The following GABBR1 variants were observed in gnomAD, a reference collection of about 807,000 sequenced individuals.
GABBR1 encodes gamma-aminobutyric acid type B receptor subunit 1.
Under a neutral mutation model 117.7 loss-of-function variants are expected in GABBR1, and 35 were observed. That is an observed-to-expected ratio of 0.30 (90% confidence interval 0.23 to 0.39). The LOEUF (loss-of-function observed/expected upper bound fraction) is 0.39. GABBR1 is among the 10% of genes least tolerant of loss of function. The probability of loss-of-function intolerance (pLI) is 1.00; values close to 1 mark genes in which losing one functional copy is unlikely to be tolerated. For missense variants in GABBR1, 709 were observed against 1,241.8 expected (o/e 0.57, Z 6.45); for synonymous variants, 442 against 486.6 (o/e 0.91, Z 1.21).
Position 29,622,257 on chromosome 6 carries a change from T to G in GABBR1, c.964-52A>C. On this transcript the variant is annotated intron_variant, in intron 8 of 22. Transcript: ENST00000377034. This position sits in a 1 kb window ranked among gnomAD's most constrained non-coding sequence, Gnocchi z 4.6. ...GAAAAACACGGGGTGCATGAGGGAA[T>G]AAAGACCAGAGAGGTTAACTGGGGA... 1.3e-5 allele frequency: 15 copies of G among 1,193,960 alleles called. No homozygotes were observed. Among genetic ancestry groups the G allele is most frequent in the Non-Finnish European group, 1.6e-5 (13 of 801,928 alleles). The allele number at this position is 1,193,960 out of a possible 1,614,324, so 74.0% of individuals were successfully genotyped here.
Position 29,631,335 on chromosome 6 carries a change from TAA to T in GABBR1, c.289+59_289+60del. The T allele has an allele frequency of 6.6e-7, 1 of 1,518,760 alleles. No individual in the cohort carries two copies. The highest frequency in any genetic ancestry group is 9.1e-7 in the Non-Finnish European group (1 of 1,097,482). The allele number at this position is 1,518,760 out of a possible 1,614,324, so 94.1% of individuals were successfully genotyped here. ...AGTGCTGACTTGCAAGCAGTAATGC[TAA>T]GTTTGCGGCAGGAAAAGGAATAGTC... On this transcript the variant is annotated intron_variant, in intron 3 of 22. Coordinates refer to ENST00000377034, the MANE Select transcript of GABBR1 (RefSeq NM_001470.4). This position sits in a 1 kb window ranked among gnomAD's most constrained non-coding sequence, Gnocchi z 5.9.
intron 4 of GABBR1, chr6:29,629,324 C>T: frequency 1.5e-6 from 1 of 687,474 alleles, no homozygotes. Context: ...CATAGGACAA[C>T]AGAATTTGAG....
At position 29,621,307 on chromosome 6, in the gene GABBR1, G is replaced by C. The variant is rs1433574370; in HGVS notation, c.1132-15C>G. ...TCCTTGTACACCTGAATACAGAGGA[G>C]AATGGCTGAGTTTTTGTTTGCTCAT... On this transcript the variant is annotated splice_polypyrimidine_tract_variant and intron_variant, in intron 10 of 22. Coordinates refer to ENST00000377034, the MANE Select transcript of GABBR1 (RefSeq NM_001470.4). The surrounding 1 kb of genome is among the most constrained non-coding windows in gnomAD (Gnocchi z 5.0). 2.4e-5 allele frequency: 38 copies of C among 1,602,636 alleles called. No individual in the cohort carries two copies. Among genetic ancestry groups the C allele is most frequent in the Admixed American group, 3.4e-5 (2 of 58,764 alleles).
At position 29,605,964 on chromosome 6, in the gene GABBR1, T is replaced by C; in HGVS notation, c.2312-268A>G. ...CAGTCAGGCAAGGGCTTGTTGAATA[T>C]CTAGAAATAGGCCAGTCTGGGCCAC... On this transcript the variant is annotated intron_variant, in intron 19 of 22. Transcript: ENST00000377034. The surrounding 1 kb of genome is among the most constrained non-coding windows in gnomAD (Gnocchi z 4.2). The C allele has an allele frequency of 1.1e-5, 6 of 563,942 alleles. No homozygotes were observed. Among genetic ancestry groups the C allele is most frequent in the South Asian group, 8.7e-5 (4 of 45,730 alleles). 34.9% of individuals were successfully genotyped at this position (563,942 alleles called of 1,614,324 possible).
Position 29,627,341 on chromosome 6 carries a change from C to A in GABBR1, c.657+145G>T. 1 of 813,510 alleles carries A rather than the reference C, an allele frequency of 1.2e-6. No homozygotes were observed. Among genetic ancestry groups the A allele is most frequent in the South Asian group, 1.7e-5 (1 of 57,966 alleles). The allele number at this position is 813,510 out of a possible 1,614,324, so 50.4% of individuals were successfully genotyped here. A position where few individuals can be genotyped will look rare whatever the true frequency, so the allele number is the denominator to read the frequency against. On this transcript the variant is annotated intron_variant, in intron 6 of 22. Coordinates refer to ENST00000377034, the MANE Select transcript of GABBR1 (RefSeq NM_001470.4). The surrounding 1 kb of genome is among the most constrained non-coding windows in gnomAD (Gnocchi z 4.4). ...GCGACTCTCCCCAAGCTCCTGCACC[C>A]CCAGCCCATCTCCTGCCAGTCACAC... is the stretch of plus-strand genomic sequence containing the variant.
intron 11 of GABBR1, among the ~76,000 whole-genome samples, chr6:29,614,885 C>A (rs184670302): frequency 7.0e-6 from 1 of 143,082 alleles, no homozygotes; most frequent in Non-Finnish European, 1.5e-5. Context: ...ACCACTCTGG[C>A]GGAGGATGTC....
chr6:29,626,238 GTC>G (rs921374046), intron 6 of GABBR1, among the ~76,000 whole-genome samples: 2 of 152,024 alleles, frequency 1.3e-5, no homozygotes, highest in Non-Finnish European at 2.9e-5. Context: ...CCTCACTTCT[GTC>G]CCCTCACACA....
intron 11 of GABBR1, among the ~76,000 whole-genome samples, chr6:29,617,848 G>A (rs1763320996): frequency 6.6e-6 from 1 of 152,148 alleles, no homozygotes; most frequent in Non-Finnish European, 1.5e-5. Flanking sequence ...AACGATGATG[G>A]TGGCTAACAT....
intron 6 of GABBR1, 35 bp from the exon 7 acceptor site, chr6:29,624,059 TG>T: frequency 1.3e-6 from 2 of 1,566,686 alleles, no homozygotes; most frequent in Non-Finnish European, 8.7e-7. Context: ...CAAGCTCTCC[TG>T]GGGCCCCTCC....
Position 29,621,066 on chromosome 6 carries a change from C to G in GABBR1, c.1323+35G>C, listed in dbSNP as rs748393164. On this transcript the variant is annotated intron_variant, in intron 11 of 22. Transcript: ENST00000377034. This position sits in a 1 kb window ranked among gnomAD's most constrained non-coding sequence, Gnocchi z 5.0. ...AGGCCCCCTCAGTCCTCTCCACCCT[C>G]CCAGGTGCCAGACTGCAAGTCCCCA... The G allele has an allele frequency of 6.3e-7, 1 of 1,589,702 alleles. No individual in the cohort carries two copies. The highest frequency in any genetic ancestry group is 8.6e-7 in the Non-Finnish European group (1 of 1,166,588).
Position 29,612,582 on chromosome 6 carries a change from C to A in GABBR1, c.1599G>T (p.Arg533=), listed in dbSNP as rs776915845. 3 of 1,614,060 alleles carry A rather than the reference C, an allele frequency of 1.9e-6. No individual in the cohort carries two copies. In the Admixed American group the frequency reaches 5.0e-5, roughly 27 times the overall value. ...GHVVFDASGS[R]MAWTLIEQLQ... is the part of the protein sequence containing the mutation. ...GCTGCTCGATAAGCGTCCATGCCAT[C>A]CGAGAGCCGCTGGCATCAAACACCA... The change falls in exon 13 of 23, where the codon CGG becomes CGT. Residue 533 remains arginine (R), a synonymous_variant. Coordinates refer to ENST00000377034, the MANE Select transcript of GABBR1 (RefSeq NM_001470.4).
chr6:29,611,081 A>C lies in GABBR1; in HGVS notation c.1631-80T>G. 9.1e-7 allele frequency: 1 copy of C among 1,102,002 alleles called. No homozygotes were observed. The highest frequency in any genetic ancestry group is 1.5e-5 in the African/African-American group (1 of 64,944). The allele number at this position is 1,102,002 out of a possible 1,614,324, so 68.3% of individuals were successfully genotyped here. On this transcript the variant is annotated intron_variant, in intron 13 of 22. Transcript: ENST00000377034. This position sits in a 1 kb window ranked among gnomAD's most constrained non-coding sequence, Gnocchi z 4.6. ...GGCATTTTCAACTTCCCACTTCCCT[A>C]GAGCTTTGCATGGTTGTATCTGATT...
chr6:29,630,627 C>T lies in GABBR1; in HGVS notation c.306G>A (p.Lys102=). ...TPSRCVRICS[K]SYLTLENGKV... ...TCCCATTTTCCAGGGTCAAATAAGA[C>T]TTGGAGCAGATTCGGACTGTGGAGA... Residue 102 remains lysine, a synonymous_variant, in exon 4 of 23, where the codon AAG becomes AAA. Transcript: ENST00000377034. This position sits in a 1 kb window ranked among gnomAD's most constrained non-coding sequence, Gnocchi z 4.9. 2 of 1,612,700 alleles carry T rather than the reference C, an allele frequency of 1.2e-6. No homozygotes were observed. The highest frequency in any genetic ancestry group is 1.7e-6 in the Non-Finnish European group (2 of 1,179,714).
Position 29,623,974 on chromosome 6 carries a change from G to T in GABBR1, c.708C>A (p.Asp236Glu). The T allele has an allele frequency of 6.2e-7, 1 of 1,613,050 alleles. No individual in the cohort carries two copies. The highest frequency in any genetic ancestry group is 8.5e-7 in the Non-Finnish European group (1 of 1,180,000). ...TKYLYELLYN[D>E]PIKIILMPGC... Reference sequence around the variant, plus strand: ...CAGGCATAAGGATGATCTTGATAGGGTCGTTGTAGAGCAGCTCATATAGGT... The same window carrying T: ...CAGGCATAAGGATGATCTTGATAGGTTCGTTGTAGAGCAGCTCATATAGGT... Residue 236 changes from aspartate to glutamate, a missense_variant, in exon 7 of 23, where the codon GAC (aspartate) becomes GAA (glutamate). Coordinates refer to ENST00000377034, the MANE Select transcript of GABBR1 (RefSeq NM_001470.4). This position sits in a 1 kb window ranked among gnomAD's most constrained non-coding sequence, Gnocchi z 6.2.
Position 29,631,625 on chromosome 6 carries a change from C to G in GABBR1, c.86-26G>C, listed in dbSNP as rs781504702. 6.2e-7 allele frequency: 1 copy of G among 1,604,512 alleles called. No individual in the cohort carries two copies. Among genetic ancestry groups the G allele is most frequent in the Admixed American group, 1.7e-5 (1 of 59,972 alleles). ...CTAAGGGGTGAGTCGGGGAGGCATACAGAGAGGAATGGTGGGAAAGAGGAA... is the reference window on the plus strand; with the variant it reads ...CTAAGGGGTGAGTCGGGGAGGCATAGAGAGAGGAATGGTGGGAAAGAGGAA... On this transcript the variant is annotated intron_variant, in intron 2 of 22. Coordinates refer to ENST00000377034, the MANE Select transcript of GABBR1 (RefSeq NM_001470.4). The surrounding 1 kb of genome is among the most constrained non-coding windows in gnomAD (Gnocchi z 5.9).
chr6:29,613,815 T>C lies in GABBR1; in HGVS notation c.1324-330A>G, dbSNP rs949863370. On this transcript the variant is annotated intron_variant, in intron 11 of 22. Coordinates refer to ENST00000377034, the MANE Select transcript of GABBR1 (RefSeq NM_001470.4). The surrounding 1 kb of genome is among the most constrained non-coding windows in gnomAD (Gnocchi z 4.1). ...GTAGAGCAGAGTAAAGGAGGAGACA[T>C]GGATATTCCAATGAAGAGCTGTGAC... Among the ~76,000 whole-genome samples, 1 of 151,916 alleles carries C rather than the reference T, an allele frequency of 6.6e-6. No homozygotes were observed. Among genetic ancestry groups the C allele is most frequent in the Non-Finnish European group, 1.5e-5 (1 of 68,024 alleles).
rs146059602 is a variant in GABBR1 at position 29,605,540 on chromosome 6, A to G, written c.2439+29T>C. 6.2e-4 allele frequency: 994 copies of G among 1,612,038 alleles called. 2 individuals are homozygous for G. Among genetic ancestry groups the G allele is most frequent in the Admixed American group, 3.6e-3 (217 of 59,966 alleles). Reference sequence around the variant, plus strand: ...ATCTGGGCTGCTGTGGTCAGCCTACAGGGTCAATGCCATGGGGTCAGTGCT... The same window carrying G: ...ATCTGGGCTGCTGTGGTCAGCCTACGGGGTCAATGCCATGGGGTCAGTGCT... On this transcript the variant is annotated intron_variant, in intron 20 of 22. Transcript: ENST00000377034. This position sits in a 1 kb window ranked among gnomAD's most constrained non-coding sequence, Gnocchi z 4.2.
In GABBR1 at chr6:29,604,451, C is replaced by T. The variant is rs778567214; in HGVS notation, c.2712+43G>A. The T allele has an allele frequency of 6.2e-7, 1 of 1,612,608 alleles. No homozygotes were observed. Among genetic ancestry groups the T allele is most frequent in the Non-Finnish European group, 8.5e-7 (1 of 1,179,522 alleles). ...ACAACCCAAGCTAAGACGCAAGCCT[C>T]CTGGACCACTCCAACACCCTACCCT... On this transcript the variant is annotated intron_variant, in intron 22 of 22. Transcript: ENST00000377034. The surrounding 1 kb of genome is among the most constrained non-coding windows in gnomAD (Gnocchi z 5.3).
rs1480933397 is a variant in GABBR1, at chr6:29,604,216, C to A, written c.2712+278G>T. On this transcript the variant is annotated intron_variant, in intron 22 of 22. Coordinates refer to ENST00000377034, the MANE Select transcript of GABBR1 (RefSeq NM_001470.4). The surrounding 1 kb of genome is among the most constrained non-coding windows in gnomAD (Gnocchi z 5.3). Reference sequence around the variant, plus strand: ...GTCACCTACAGCCAACAGCCATCCTCTTGCCTTAAGGAGGCTGAGTCAACC... The same window carrying A: ...GTCACCTACAGCCAACAGCCATCCTATTGCCTTAAGGAGGCTGAGTCAACC... Among the ~76,000 whole-genome samples, 1 of 152,124 alleles carries A rather than the reference C, an allele frequency of 6.6e-6. No individual in the cohort carries two copies. The highest frequency in any genetic ancestry group is 1.5e-5 in the Non-Finnish European group (1 of 68,020).
Sources: allele counts gnomAD v4.1 joint callset (sites outside exome capture counted in the v4.1 genomes callset), GRCh38; gene constraint gnomAD v4.1.1; non-coding constraint Gnocchi (gnomAD v3.1); transcripts MANE v1.5; gene names NCBI Gene and HGNC (gene_info 2026-07-23, HGNC 2026-07-21).